ZKSCAN3: variants seen among roughly 807,000 people sequenced by gnomAD.
The protein encoded by ZKSCAN3 is zinc finger with KRAB and SCAN domains 3, also known as zinc finger protein with KRAB and SCAN domains 3.
Under a neutral mutation model 30.7 loss-of-function variants are expected in ZKSCAN3, and 21 were observed. The observed-to-expected ratio is 0.68, with a 90% confidence interval of 0.49 to 0.99. The LOEUF (loss-of-function observed/expected upper bound fraction) is 0.99, where lower values mean the gene tolerates loss of function less well. Among genes scored for constraint, ZKSCAN3 ranks in the 50% least tolerant of loss-of-function variants. The pLI is 0.00. For synonymous variants in ZKSCAN3, 201 were observed against 246.7 expected (o/e 0.81, Z 1.73); for missense variants, 507 against 647.1 (o/e 0.78, Z 2.35).
In ZKSCAN3 at chr6:28,366,326, G is replaced by T; in HGVS notation, c.*41G>T. 1 of 1,493,806 alleles carries T rather than the reference G, an allele frequency of 6.7e-7. No homozygotes were observed. The highest frequency in any genetic ancestry group is 1.5e-5 in the South Asian group (1 of 67,524). 92.5% of individuals were successfully genotyped at this position (1,493,806 alleles called of 1,614,324 possible). ...CCAGAGTTGGTGCTCATTTGTCACT[G>T]ATCTGAAGCCACTCCCCCTGGAGTC... is the stretch of plus-strand genomic sequence containing the variant. On this transcript the variant is annotated 3_prime_UTR_variant, in exon 6 of 6. Transcript: ENST00000252211.
At chr6:28,353,558 A>C (rs1029143313) in intron 1 of ZKSCAN3, 1 of 226,782 alleles carries the variant, frequency 4.4e-6, no homozygotes, top group African/African-American at 2.3e-5. Flanking sequence ...GTTTCTAGAT[A>C]ATACCATACT....
rs2113935720 is a variant in ZKSCAN3, at chr6:28,366,709, G to A, written c.*424G>A. 1 of 155,778 alleles carries A rather than the reference G, an allele frequency of 6.4e-6. No homozygotes were observed. Among genetic ancestry groups the A allele is most frequent in the South Asian group, 2.1e-4 (1 of 4,860 alleles). 9.6% of individuals were successfully genotyped at this position (155,778 alleles called of 1,614,324 possible). A position where few individuals can be genotyped will look rare whatever the true frequency, so the allele number is the denominator to read the frequency against. On this transcript the variant is annotated 3_prime_UTR_variant, in exon 6 of 6. Transcript: ENST00000252211. ...CATAAAGTCTTATATCCCCCTCTGT[G>A]CCTTTTCTGCAGGTGCTAATAAATG...
intron 1 of ZKSCAN3, among the ~76,000 whole-genome samples, chr6:28,350,754 G>T (rs1764949306): frequency 6.6e-6 from 1 of 152,108 alleles, no homozygotes; most frequent in Non-Finnish European, 1.5e-5. Flanking sequence ...TGTAATGGAT[G>T]ATTTCTATAT....
chr6:28,361,605 A>C, intron 3 of ZKSCAN3, 134 bp downstream of exon 3: 1 of 995,214 alleles, frequency 1.0e-6, no homozygotes, highest in Non-Finnish European at 1.4e-6. Flanking sequence ...CTGAGACTAA[A>C]AGGAGTATTT....
Position 28,368,955 on chromosome 6 carries a change from CTT to C in ZKSCAN3, c.*2671_*2672del, listed in dbSNP as rs1321679398. On this transcript the variant is annotated 3_prime_UTR_variant, in exon 6 of 6. Transcript: ENST00000252211. ...TCTGGTCACCTTTGATAGTTAATGA[CTT>C]GGGCATTGTGATATATTATCTCCTG... 2 of 152,686 alleles carry C rather than the reference CTT, an allele frequency of 1.3e-5. No homozygotes were observed. Among genetic ancestry groups the C allele is most frequent in the African/African-American group, 4.8e-5 (2 of 41,422 alleles). 9.5% of individuals were successfully genotyped at this position (152,686 alleles called of 1,614,324 possible).
chr6:28,361,561 T>C, intron 3 of ZKSCAN3, 90 bp downstream of exon 3: 2 of 1,415,960 alleles, frequency 1.4e-6, no homozygotes, highest in Admixed American at 2.3e-5. Flanking sequence ...ATAGGGGGCT[T>C]ATGTGCCCAT....
Position 28,351,170 on chromosome 6 carries a change from T to C in ZKSCAN3, c.-63+1103T>C, listed in dbSNP as rs550907518. ...ATATTTACTGATTTGATAAATACTT[T>C]GTGTTGGCAACCAATTTCCCAATCT... On this transcript the variant is annotated intron_variant, in intron 1 of 5. Coordinates refer to ENST00000252211, the MANE Select transcript of ZKSCAN3 (RefSeq NM_024493.4). The surrounding 1 kb of genome is among the most constrained non-coding windows in gnomAD (Gnocchi z 4.6). Among the ~76,000 whole-genome samples, 41 of 152,340 alleles carry C rather than the reference T, an allele frequency of 2.7e-4. No individual in the cohort carries two copies. The South Asian group carries it at 7.9e-3, about 29-fold the overall frequency.
Position 28,359,505 on chromosome 6 carries a change from A to G in ZKSCAN3, c.-62-20A>G, listed in dbSNP as rs1765641195. The stretch of plus-strand genomic sequence containing the variant: ...ACTACTTGCAAGTTTACTGGTTAAT[A>G]ATGATTTCCCACCTTTCAGGGATCT... On this transcript the variant is annotated intron_variant, in intron 1 of 5. Coordinates refer to ENST00000252211, the MANE Select transcript of ZKSCAN3 (RefSeq NM_024493.4). 6.5e-7 allele frequency: 1 copy of G among 1,531,054 alleles called. No individual in the cohort carries two copies. Among genetic ancestry groups the G allele is most frequent in the Admixed American group, 2.0e-5 (1 of 49,076 alleles). The allele number at this position is 1,531,054 out of a possible 1,614,324, so 94.8% of individuals were successfully genotyped here.
At chr6:28,360,229 A>G in intron 2 of ZKSCAN3, 1 of 675,070 alleles carries the variant, frequency 1.5e-6, no homozygotes, top group Non-Finnish European at 2.4e-6. Flanking sequence ...TTTGCAAAGT[A>G]TTAACTTTGT....
At chr6:28,359,380 G>A (rs1178181969) in intron 1 of ZKSCAN3, 145 bp from the exon 2 acceptor site, 1 of 625,210 alleles carries the variant, frequency 1.6e-6, no homozygotes, top group Non-Finnish European at 2.7e-6. Context: ...TTCAGGTTTG[G>A]GGTGGTGTAG....
Position 28,366,432 on chromosome 6 carries a change from A to G in ZKSCAN3, c.*147A>G. 1.1e-6 allele frequency: 1 copy of G among 871,962 alleles called. No homozygotes were observed. The highest frequency in any genetic ancestry group is 1.6e-6 in the Non-Finnish European group (1 of 613,082). The allele number at this position is 871,962 out of a possible 1,614,324, so 54.0% of individuals were successfully genotyped here. A position where few individuals can be genotyped will look rare whatever the true frequency, so the allele number is the denominator to read the frequency against. ...TAGAAAATGTAGACTGGGTTAGACA[A>G]ATTATCTTCTAAGTTCTAGAAGGGG... On this transcript the variant is annotated 3_prime_UTR_variant, in exon 6 of 6. Coordinates refer to ENST00000252211, the MANE Select transcript of ZKSCAN3 (RefSeq NM_024493.4).
chr6:28,363,677 T>C lies in ZKSCAN3; in HGVS notation c.634-15T>C, dbSNP rs1468313417. Reference sequence around the variant, plus strand: ...TGGTCAGCCCCTTCTTCAATGGGATTACCTATTGTTTTAGGGGTTGTTGAA... The same window carrying C: ...TGGTCAGCCCCTTCTTCAATGGGATCACCTATTGTTTTAGGGGTTGTTGAA... On this transcript the variant is annotated splice_polypyrimidine_tract_variant and intron_variant, in intron 4 of 5. Coordinates refer to ENST00000252211, the MANE Select transcript of ZKSCAN3 (RefSeq NM_024493.4). 4 of 1,613,950 alleles carry C rather than the reference T, an allele frequency of 2.5e-6. No individual in the cohort carries two copies. Among genetic ancestry groups the C allele is most frequent in the Non-Finnish European group, 2.5e-6 (3 of 1,179,950 alleles).
chr6:28,365,694 C>T lies in ZKSCAN3; in HGVS notation c.1026C>T (p.Tyr342=), dbSNP rs139845797. 2.1e-5 allele frequency: 34 copies of T among 1,613,218 alleles called. No individual in the cohort carries two copies. Among genetic ancestry groups the T allele is most frequent in the African/African-American group, 1.3e-4 (10 of 74,888 alleles). The change falls in exon 6 of 6, where the codon TAC becomes TAT. Residue 342 remains tyrosine, a synonymous_variant. Coordinates refer to ENST00000252211, the MANE Select transcript of ZKSCAN3 (RefSeq NM_024493.4). ...GAATCCACACTGGTGAGAAACCCTA[C>T]GAATGTGAAGAGTGTGGCAAAGCCT... is the stretch of plus-strand genomic sequence containing the variant. ...HRRIHTGEKP[Y]ECEECGKAFI...
rs1765996257 is a variant in ZKSCAN3 at position 28,367,101 on chromosome 6, A to G, written c.*816A>G. Reference sequence around the variant, plus strand: ...CCGGCTAATTTTTTATGTTTTTAGTAGAGACGGGATTTTACCGTGTTAGCC... The same window carrying G: ...CCGGCTAATTTTTTATGTTTTTAGTGGAGACGGGATTTTACCGTGTTAGCC... On this transcript the variant is annotated 3_prime_UTR_variant, in exon 6 of 6. Transcript: ENST00000252211. The G allele has an allele frequency of 6.6e-6, 1 of 151,828 alleles. No homozygotes were observed. 9.4% of individuals were successfully genotyped at this position (151,828 alleles called of 1,614,324 possible).
chr6:28,356,774 C>T (rs893100432), intron 1 of ZKSCAN3, among the ~76,000 whole-genome samples: 3 of 152,256 alleles, frequency 2.0e-5, no homozygotes, highest in Non-Finnish European at 2.9e-5. Context: ...TCTCCACACT[C>T]GTGGAGGGCC....
rs1451567698 is a variant in ZKSCAN3 at position 28,368,549 on chromosome 6, T to G, written c.*2264T>G. Reference sequence around the variant, plus strand: ...TTTAGTCAGCATTATACAAGTAGTATTTATTATGTATACATTCAGTGGAGT... The same window carrying G: ...TTTAGTCAGCATTATACAAGTAGTAGTTATTATGTATACATTCAGTGGAGT... On this transcript the variant is annotated 3_prime_UTR_variant, in exon 6 of 6. Coordinates refer to ENST00000252211, the MANE Select transcript of ZKSCAN3 (RefSeq NM_024493.4). 1.3e-5 allele frequency: 2 copies of G among 152,596 alleles called. No individual in the cohort carries two copies. The highest frequency in any genetic ancestry group is 3.8e-4 in the East Asian group (2 of 5,206). The allele number at this position is 152,596 out of a possible 1,614,324, so 9.5% of individuals were successfully genotyped here.
intron 1 of ZKSCAN3, among the ~76,000 whole-genome samples, chr6:28,358,490 C>T (rs1405368723): frequency 6.6e-6 from 1 of 151,246 alleles, no homozygotes; most frequent in Non-Finnish European, 1.5e-5. Flanking sequence ...AGATATTTTC[C>T]AGCTGTGGTT....
At position 28,365,392 on chromosome 6, in the gene ZKSCAN3, A is replaced by C. The variant is rs1286983563; in HGVS notation, c.758-34A>C. On this transcript the variant is annotated intron_variant, in intron 5 of 5. Transcript: ENST00000252211. ...CATCACAGAGCTTTCCTTCCATGGC[A>C]TAAGCCACAGTTGCCAGTTATTTGT... is the stretch of plus-strand genomic sequence containing the variant. 3 of 1,577,706 alleles carry C rather than the reference A, an allele frequency of 1.9e-6. No individual in the cohort carries two copies. The African/African-American group carries it at 4.1e-5, about 21-fold the overall frequency.
At chr6:28,357,429 T>G (rs755841549) in intron 1 of ZKSCAN3, among the ~76,000 whole-genome samples, 1 of 152,130 alleles carries the variant, frequency 6.6e-6, no homozygotes, top group African/African-American at 2.4e-5. Flanking sequence ...CTTAACCAGA[T>G]TATGATGGGA....
Sources: allele counts gnomAD v4.1 joint callset (sites outside exome capture counted in the v4.1 genomes callset), GRCh38; gene constraint gnomAD v4.1.1; non-coding constraint Gnocchi (gnomAD v3.1); transcripts MANE v1.5; gene names NCBI Gene and HGNC (gene_info 2026-07-23, HGNC 2026-07-21).